The following NNAT variants were observed in gnomAD, a reference collection of about 807,000 sequenced individuals.
The protein encoded by NNAT is neuronatin.
Under a neutral mutation model 12.7 loss-of-function variants are expected in NNAT, and 8 were observed. That is an observed-to-expected ratio of 0.63 (90% CI 0.37 to 1.14). The LOEUF (loss-of-function observed/expected upper bound fraction) is 1.14. Among genes scored for constraint, NNAT ranks in the 50% most tolerant of loss-of-function variants. The pLI is 0.01. For missense variants in NNAT, 94 were observed against 108.3 expected (o/e 0.87, Z 0.59); for synonymous variants, 52 against 48.5 (o/e 1.07, Z -0.30).
Position 37,522,413 on chromosome 20 carries a change from G to GT in NNAT, c.128_129insT (p.Thr44AspfsTer8), listed in dbSNP as rs2071615431. On this transcript the variant is annotated frameshift_variant, in exon 2 of 3. Coordinates refer to ENST00000649451, the MANE Select transcript of NNAT (RefSeq NM_005386.4). LOFTEE classifies it high-confidence loss of function. ...GGATTCGCTTTTCGAAATCCTCCAG[G>GT]GACACAGCCCATTGCGAGAAGTGAG... 6.2e-7 allele frequency: 1 copy of GT among 1,613,940 alleles called. No homozygotes were observed. The highest frequency in any genetic ancestry group is 8.5e-7 in the Non-Finnish European group (1 of 1,179,946).
Position 37,522,749 on chromosome 20 carries a change from C to A in NNAT, c.236C>A (p.Ala79Asp), listed in dbSNP as rs1033696536. ...RQVLGERRQR[A>D]PN The stretch of plus-strand genomic sequence containing the variant: ...GTGTTGGGGGAGCGCAGGCAGCGAG[C>A]CCCCAACTGAGGCCCCAGCTCCCAG... The change falls in exon 3 of 3, where the codon GCC (alanine) becomes GAC (aspartate). Residue 79 changes from alanine to aspartate, a missense_variant. Physicochemically the swap from Ala to Asp is moderately radical, Grantham distance 126 (BLOSUM62 -2). Coordinates refer to ENST00000649451, the MANE Select transcript of NNAT (RefSeq NM_005386.4). The A allele has an allele frequency of 6.2e-7, 1 of 1,603,534 alleles. No individual in the cohort carries two copies. The highest frequency in any genetic ancestry group is 8.5e-7 in the Non-Finnish European group (1 of 1,175,740).
intron 2 of NNAT, 69 bp from the exon 3 acceptor site, chr20:37,522,598 G>GGGGGGGGGGGGGGGGGGGGCCCC: frequency 5.8e-6 from 5 of 864,260 alleles, no homozygotes; most frequent in Non-Finnish European, 8.6e-6. Context: ...GCGGGGGTGG[G>GGGGGGGGGGGGGGGGGGGGCCCC]CACGGCAGCA....
intron 1 of NNAT, among the ~76,000 whole-genome samples, 178 bp from the exon 2 acceptor site, chr20:37,522,180 C>CAA (rs34619095): frequency 0.022 from 2,331 of 104,720 alleles, 48 homozygotes; most frequent in African/African-American, 0.049. Flanking sequence ...AATTGCTTTA[C>CAA]AAAAAAAAAA....
intron 1 of NNAT, among the ~76,000 whole-genome samples, 179 bp from the exon 2 acceptor site, chr20:37,522,179 A>AC (rs1235352522): frequency 0.024 from 69 of 2,884 alleles, 1 homozygote; most frequent in Non-Finnish European, 0.014. Flanking sequence ...CAATTGCTTT[A>AC]CAAAAAAAAA....
Position 37,521,679 on chromosome 20 carries a change from G to T in NNAT, c.72+276G>T. 2 of 439,598 alleles carry T rather than the reference G, an allele frequency of 4.5e-6. No individual in the cohort carries two copies. Among genetic ancestry groups the T allele is most frequent in the Non-Finnish European group, 8.3e-6 (2 of 242,068 alleles). 27.2% of individuals were successfully genotyped at this position (439,598 alleles called of 1,614,324 possible). ...GCGGACGATCACCCAGGCATTTAGCGACCTACGCGGTAAGAAAAACCCGCT... is the reference window on the plus strand; with the variant it reads ...GCGGACGATCACCCAGGCATTTAGCTACCTACGCGGTAAGAAAAACCCGCT... On this transcript the variant is annotated intron_variant, in intron 1 of 2. Coordinates refer to ENST00000649451, the MANE Select transcript of NNAT (RefSeq NM_005386.4). This position sits in a 1 kb window ranked among gnomAD's most constrained non-coding sequence, Gnocchi z 4.5.
In NNAT at chr20:37,521,569, C is replaced by T. The variant is rs2071575777; in HGVS notation, c.72+166C>T. On this transcript the variant is annotated intron_variant, in intron 1 of 2. Coordinates refer to ENST00000649451, the MANE Select transcript of NNAT (RefSeq NM_005386.4). This position sits in a 1 kb window ranked among gnomAD's most constrained non-coding sequence, Gnocchi z 4.5. ...GCACCGCGCGCCCCCTGCCCATTCC[C>T]TGCGCCGTCCTCCTCGCGCTGACCC... 1.5e-6 allele frequency: 1 copy of T among 680,952 alleles called. No homozygotes were observed. Among genetic ancestry groups the T allele is most frequent in the Non-Finnish European group, 2.5e-6 (1 of 393,130 alleles). 42.2% of individuals were successfully genotyped at this position (680,952 alleles called of 1,614,324 possible).
At chr20:37,522,558 GCT>G in intron 2 of NNAT, 107 bp from the exon 3 acceptor site, 1 of 1,362,882 alleles carries the variant, frequency 7.3e-7, no homozygotes, top group Non-Finnish European at 1.0e-6. Flanking sequence ...TCCAGCCTAC[GCT>G]GGATGGGCGG....
Position 37,522,621 on chromosome 20 carries a change from T to C in NNAT, c.154-46T>C, listed in dbSNP as rs897061339. On this transcript the variant is annotated intron_variant, in intron 2 of 2. Transcript: ENST00000649451. ...GGGCACGGCAGCACCACAGACATGC[T>C]GTGGGTGCTCTCCACTAAGGGTGGG... 2.6e-6 allele frequency: 4 copies of C among 1,538,760 alleles called. No homozygotes were observed. In the African/African-American group the frequency reaches 4.1e-5, roughly 16 times the overall value.
chr20:37,522,835 C>G lies in NNAT; in HGVS notation c.*76C>G. ...TCTCGGCCAGCACGGGAGCCAGTGC[C>G]GCGCAGGAATGTGGGGTCCCCTGTG... On this transcript the variant is annotated 3_prime_UTR_variant, in exon 3 of 3. Coordinates refer to ENST00000649451, the MANE Select transcript of NNAT (RefSeq NM_005386.4). The G allele has an allele frequency of 7.3e-7, 1 of 1,372,498 alleles. No homozygotes were observed. The highest frequency in any genetic ancestry group is 1.4e-5 in the South Asian group (1 of 73,986). The allele number at this position is 1,372,498 out of a possible 1,614,324, so 85.0% of individuals were successfully genotyped here.
chr20:37,522,598 G>GGGGGGGGGGGGGGGGGGGCCCC, intron 2 of NNAT, 69 bp from the exon 3 acceptor site: 3 of 864,416 alleles, frequency 3.5e-6, no homozygotes, highest in South Asian at 1.5e-5. Context: ...GCGGGGGTGG[G>GGGGGGGGGGGGGGGGGGGCCCC]CACGGCAGCA....
At position 37,521,555 on chromosome 20, in the gene NNAT, CCCCTGCCCATT is replaced by C; in HGVS notation, c.72+159_72+169del. Reference sequence around the variant, plus strand: ...AAGTGCCGCTGCCGGCACCGCGCGCCCCCTGCCCATTCCCTGCGCCGTCCTCCTCGCGCTGA... The same window carrying C: ...AAGTGCCGCTGCCGGCACCGCGCGCCCCCTGCGCCGTCCTCCTCGCGCTGA... On this transcript the variant is annotated intron_variant, in intron 1 of 2. Transcript: ENST00000649451. The surrounding 1 kb of genome is among the most constrained non-coding windows in gnomAD (Gnocchi z 4.5). 1.3e-6 allele frequency: 1 copy of C among 757,748 alleles called. No homozygotes were observed. Among genetic ancestry groups the C allele is most frequent in the Non-Finnish European group, 2.2e-6 (1 of 451,808 alleles). 46.9% of individuals were successfully genotyped at this position (757,748 alleles called of 1,614,324 possible).
intron 2 of NNAT, 69 bp from the exon 3 acceptor site, chr20:37,522,598 G>A: frequency 2.3e-6 from 2 of 864,440 alleles, no homozygotes; most frequent in African/African-American, 1.8e-5. Flanking sequence ...GCGGGGGTGG[G>A]CACGGCAGCA....
intron 1 of NNAT, among the ~76,000 whole-genome samples, chr20:37,522,011 A>C (rs548718056): frequency 6.6e-6 from 1 of 151,948 alleles, no homozygotes; most frequent in South Asian, 2.1e-4. Context: ...TTGGCAGAAA[A>C]AAATGCATTA....
chr20:37,522,572 C>T (rs1015543993), intron 2 of NNAT, 95 bp from the exon 3 acceptor site: 15 of 578,926 alleles, frequency 2.6e-5, no homozygotes, highest in African/African-American at 3.6e-5. Flanking sequence ...GATGGGCGGG[C>T]GGGGCAGGGG....
chr20:37,522,633 C>A, intron 2 of NNAT, 34 bp from the exon 3 acceptor site: 1 of 1,584,164 alleles, frequency 6.3e-7, no homozygotes. Flanking sequence ...TGGGTGCTCT[C>A]CACTAAGGGT....
chr20:37,522,584 T>TGGGGGGGGGGGGGGGGGGGGGGG (rs2071623066), intron 2 of NNAT, 83 bp from the exon 3 acceptor site: 2 of 628,962 alleles, frequency 3.2e-6, no homozygotes, highest in Non-Finnish European at 4.1e-6. Context: ...GGGCAGGGGG[T>TGGGGGGGGGGGGGGGGGGGGGGG]GGGGCGGGGG....
chr20:37,522,180 CAA>C (rs34619095), intron 1 of NNAT, among the ~76,000 whole-genome samples, 176 bp from the exon 2 acceptor site: 8 of 104,776 alleles, frequency 7.6e-5, no homozygotes, highest in Non-Finnish European at 1.7e-4. Context: ...AATTGCTTTA[CAA>C]AAAAAAAAAT....
At chr20:37,522,124 T>C (rs1601092871) in intron 1 of NNAT, among the ~76,000 whole-genome samples, 1 of 136,432 alleles carries the variant, frequency 7.3e-6, no homozygotes, top group Admixed American at 7.3e-5. Context: ...AAAAAGCCCC[T>C]CGAGAGAAAA....
chr20:37,521,276 C>G lies in NNAT; in HGVS notation c.-56C>G. The G allele has an allele frequency of 1.3e-6, 2 of 1,565,894 alleles. No individual in the cohort carries two copies. Among genetic ancestry groups the G allele is most frequent in the Non-Finnish European group, 1.8e-6 (2 of 1,136,460 alleles). ...GTGCGCCCAACAGCGGACTCCGAGA[C>G]CAGCGGATCTCGGCAAACCCTCTTT... On this transcript the variant is annotated 5_prime_UTR_variant, in exon 1 of 3. Transcript: ENST00000649451. This position sits in a 1 kb window ranked among gnomAD's most constrained non-coding sequence, Gnocchi z 4.5.
Sources: allele counts gnomAD v4.1 joint callset (sites outside exome capture counted in the v4.1 genomes callset), GRCh38; gene constraint gnomAD v4.1.1; non-coding constraint Gnocchi (gnomAD v3.1); transcripts MANE v1.5; gene names NCBI Gene and HGNC (gene_info 2026-07-23, HGNC 2026-07-21).